The following ZIM3 variants were observed in gnomAD, a reference collection of about 807,000 sequenced individuals.
ZIM3 encodes the protein zinc finger imprinted 3.
A neutral mutation model predicts 12.9 loss-of-function variants in ZIM3; 11 were observed. The ratio of observed to expected loss-of-function variants is 0.85; its 90% confidence interval spans 0.54 to 1.41. The LOEUF (loss-of-function observed/expected upper bound fraction) is 1.41. Among genes scored for constraint, ZIM3 ranks in the 40% most tolerant of loss-of-function variants. The probability of loss-of-function intolerance (pLI) is 0.00; values close to 1 mark genes in which losing one functional copy is unlikely to be tolerated. For missense variants in ZIM3, 604 were observed against 557.2 expected (o/e 1.08, Z -0.85); for synonymous variants, 205 against 198.5 (o/e 1.03, Z -0.28).
chr19:57,137,383 G>A (rs941297589), intron 3 of ZIM3, among the ~76,000 whole-genome samples: 4 of 152,074 alleles, frequency 2.6e-5, no homozygotes, highest in Non-Finnish European at 5.9e-5. Context: ...AGCTATTCAG[G>A]AGGCTGAGGT....
intron 2 of ZIM3, among the ~76,000 whole-genome samples, chr19:57,141,074 G>A (rs1035807735): frequency 2.0e-5 from 3 of 152,032 alleles, no homozygotes; most frequent in African/African-American, 7.2e-5. Flanking sequence ...GCTTAGCAGT[G>A]GACCAGGTTT....
Position 57,136,018 on chromosome 19 carries a change from T to C in ZIM3, c.319A>G (p.Ile107Val). The change falls in exon 5 of 5, where the codon ATC (isoleucine) becomes GTC (valine). Residue 107 changes from isoleucine to valine, a missense_variant. Physicochemically the swap from Ile to Val is conservative, Grantham distance 29. Transcript: ENST00000269834. Reference sequence around the variant, plus strand: ...TGCGTAGTCAGCGTTTCCTTATTGATTGATGGGACTTCTCTTGCGAGACTC... The same window carrying C: ...TGCGTAGTCAGCGTTTCCTTATTGACTGATGGGACTTCTCTTGCGAGACTC... ...KESLAREVPS[I>V]NKETLTTQKG... 6.2e-7 allele frequency: 1 copy of C among 1,614,196 alleles called. No individual in the cohort carries two copies. The highest frequency in any genetic ancestry group is 8.5e-7 in the Non-Finnish European group (1 of 1,180,032).
At chr19:57,136,436 G>C (rs1212519764) in intron 4 of ZIM3, among the ~76,000 whole-genome samples, 2 of 152,040 alleles carry the variant, frequency 1.3e-5, no homozygotes, top group Admixed American at 6.6e-5. Context: ...GCTGAGGCGG[G>C]TGGATTGCCT....
rs2086883290 is a variant in ZIM3 at position 57,135,708 on chromosome 19, A to C, written c.629T>G (p.Leu210Arg). 2 of 1,613,730 alleles carry C rather than the reference A, an allele frequency of 1.2e-6. No individual in the cohort carries two copies. The highest frequency in any genetic ancestry group is 2.7e-5 in the African/African-American group (2 of 74,826). Reference sequence around the variant, plus strand: ...TGCGTGAGTTTTCTGATGTTTATCAAGCTTCCACTTCTCCCCGAATGCTCT... The same window carrying C: ...TGCGTGAGTTTTCTGATGTTTATCACGCTTCCACTTCTCCCCGAATGCTCT... ...CGRAFGEKWKLDKHQKTHAEE... is the reference protein window; with the variant it reads ...CGRAFGEKWKRDKHQKTHAEE... Residue 210 changes from leucine (L) to arginine (R), a missense_variant, in exon 5 of 5, where the codon CTT becomes CGT. Leu to Arg is a moderately radical substitution (Grantham distance 102, BLOSUM62 -2). Transcript: ENST00000269834.
At position 57,135,309 on chromosome 19, in the gene ZIM3, G is replaced by A; in HGVS notation, c.1028C>T (p.Ala343Val). ...GATGACATTGGATTTCTGGGAAAAG[G>A]CCTTCTCACATATGCTACATTTATA... The part of the protein sequence containing the change: ...KPYKCSICEK[A>V]FSQKSNVIDH... The change falls in exon 5 of 5, where the codon GCC becomes GTC. Residue 343 changes from alanine (A) to valine (V), a missense_variant. By Grantham distance (64) the Ala-to-Val change is moderately conservative. Transcript: ENST00000269834. 2 of 1,614,058 alleles carry A rather than the reference G, an allele frequency of 1.2e-6. No homozygotes were observed. Among genetic ancestry groups the A allele is most frequent in the South Asian group, 1.1e-5 (1 of 91,074 alleles).
rs566504822 is a variant in ZIM3 at position 57,140,345 on chromosome 19, T to C, written c.16-1747A>G. On this transcript the variant is annotated intron_variant, in intron 2 of 4. Transcript: ENST00000269834. ...GCGCGCACCACGACACCTGGCTAAT[T>C]TTTGTACTTTTAGTAGAGACGGGTT... Among the ~76,000 whole-genome samples the C allele has an allele frequency of 6.6e-5, 10 of 151,942 alleles. No homozygotes were observed. In the South Asian group the frequency reaches 1.7e-3, roughly 25 times the overall value.
chr19:57,143,833 G>C (rs1477335399), intron 1 of ZIM3, among the ~76,000 whole-genome samples: 1 of 151,422 alleles, frequency 6.6e-6, no homozygotes, highest in Non-Finnish European at 1.5e-5. Context: ...GCACCACCAT[G>C]CCCAGCTAAT....
intron 2 of ZIM3, among the ~76,000 whole-genome samples, chr19:57,141,269 C>T (rs746032508): frequency 2.0e-5 from 3 of 151,914 alleles, no homozygotes; most frequent in African/African-American, 2.4e-5. Context: ...GGCGTGGTGG[C>T]GTGCGCCTGT....
intron 3 of ZIM3, among the ~76,000 whole-genome samples, chr19:57,137,936 A>G (rs1322615743): frequency 8.2e-4 from 46 of 56,308 alleles, no homozygotes; most frequent in Non-Finnish European, 1.0e-3. Flanking sequence ...GGAAGGAAGG[A>G]AGGAAGGAAG....
Position 57,136,961 on chromosome 19 carries a change from T to A in ZIM3, c.153A>T (p.Glu51Asp). 2 of 1,614,206 alleles carry A rather than the reference T, an allele frequency of 1.2e-6. No homozygotes were observed. The highest frequency in any genetic ancestry group is 1.7e-6 in the Non-Finnish European group (2 of 1,180,036). ...TCAAGATCACATCGGGTTTGGTGGT[T>A]TCCCCTTGTCCTGTGATGGAAGATA... ...YSNLVSVGQG[E>D]TTKPDVILRL... The change falls in exon 4 of 5, where the codon GAA becomes GAT. Residue 51 changes from glutamate (E) to aspartate (D), a missense_variant. Physicochemically the swap from Glu to Asp is conservative, Grantham distance 45 (BLOSUM62 2). Coordinates refer to ENST00000269834, the MANE Select transcript of ZIM3 (RefSeq NM_052882.1).
chr19:57,141,904 T>C (rs2086915539), intron 2 of ZIM3, among the ~76,000 whole-genome samples: 1 of 151,860 alleles, frequency 6.6e-6, no homozygotes, highest in South Asian at 2.1e-4. Context: ...CCACAACAGA[T>C]GTCTCCTTGC....
chr19:57,140,369 T>G (rs1374461650), intron 2 of ZIM3, among the ~76,000 whole-genome samples: 1 of 151,840 alleles, frequency 6.6e-6, no homozygotes, highest in Non-Finnish European at 1.5e-5. Context: ...TAGAGACGGG[T>G]TTCACCATGT....
intron 2 of ZIM3, among the ~76,000 whole-genome samples, chr19:57,139,269 AG>A (rs2086903313): frequency 6.6e-6 from 1 of 151,818 alleles, no homozygotes; most frequent in African/African-American, 2.4e-5. Context: ...TGGAGGCTGC[AG>A]TGAGCCAAGA....
Position 57,135,203 on chromosome 19 carries a change from G to C in ZIM3, c.1134C>G (p.Leu378=). Residue 378 remains leucine, a synonymous_variant, in exon 5 of 5, where the codon CTC becomes CTG. Coordinates refer to ENST00000269834, the MANE Select transcript of ZIM3 (RefSeq NM_052882.1). ...CAGTATGGATTTTTTTATGTTGAAT[G>C]AGGTTTTTCTTCTGGATAAAGGTAT... The part of the protein sequence containing the change: ...CGNTFIQKKN[L]IQHKKIHTGE... The C allele has an allele frequency of 1.2e-6, 2 of 1,613,712 alleles. No individual in the cohort carries two copies. The highest frequency in any genetic ancestry group is 1.7e-6 in the Non-Finnish European group (2 of 1,179,860).
Position 57,142,648 on chromosome 19 carries a change from T to C in ZIM3, c.-5A>G, listed in dbSNP as rs1256749019. On this transcript the variant is annotated 5_prime_UTR_variant, in exon 2 of 5. Transcript: ENST00000269834. ...GCTCACCTGGGAATTGTTCATTTCC[T>C]GTTCTTCACCAGTCAGTAAAGTCTT... The C allele has an allele frequency of 3.1e-6, 5 of 1,613,568 alleles. No homozygotes were observed. The highest frequency in any genetic ancestry group is 3.3e-5 in the Admixed American group (2 of 59,984).
intron 2 of ZIM3, among the ~76,000 whole-genome samples, chr19:57,140,156 A>T (rs974225569): frequency 2.0e-5 from 3 of 151,964 alleles, no homozygotes; most frequent in Non-Finnish European, 2.9e-5. Flanking sequence ...CGCTTTTTTA[A>T]AATTTTGTTT....
intron 2 of ZIM3, among the ~76,000 whole-genome samples, chr19:57,142,293 G>A (rs775806803): frequency 6.6e-6 from 1 of 151,704 alleles, no homozygotes; most frequent in Non-Finnish European, 1.5e-5. Flanking sequence ...ACAGGTGTAC[G>A]CCACCACCAC....
Position 57,135,518 on chromosome 19 carries a change from A to C in ZIM3, c.819T>G (p.His273Gln). ...TACACTGATAGGATTTCTTGGCATT[A>C]TGAATTTTCTCATGATTAATGCAGG... The part of the protein sequence containing the change: ...KSSCINHEKI[H>Q]NAKKSYQCNE... Residue 273 changes from histidine to glutamine, a missense_variant, in exon 5 of 5, where the codon CAT becomes CAG. Physicochemically the swap from His to Gln is conservative, Grantham distance 24. Transcript: ENST00000269834. 6.2e-7 allele frequency: 1 copy of C among 1,614,054 alleles called. No homozygotes were observed. Among genetic ancestry groups the C allele is most frequent in the Non-Finnish European group, 8.5e-7 (1 of 1,179,992 alleles).
intron 1 of ZIM3, among the ~76,000 whole-genome samples, chr19:57,143,769 G>A (rs1004674717): frequency 1.3e-5 from 2 of 150,260 alleles, no homozygotes; most frequent in African/African-American, 4.9e-5. Context: ...TCTGCCTCCC[G>A]GGTTCAAGGG....
Sources: allele counts gnomAD v4.1 joint callset (sites outside exome capture counted in the v4.1 genomes callset), GRCh38; gene constraint gnomAD v4.1.1; transcripts MANE v1.5; gene names NCBI Gene and HGNC (gene_info 2026-07-23, HGNC 2026-07-21).